The following CENPC variants were observed in gnomAD, a reference collection of about 807,000 sequenced individuals.
CENPC encodes the protein centromere protein C.
Under a neutral mutation model 112.1 loss-of-function variants are expected in CENPC, and 63 were observed. That is an observed-to-expected ratio of 0.56 (90% CI 0.46 to 0.69). The LOEUF is 0.69. Among genes scored for constraint, CENPC ranks in the 30% least tolerant of loss-of-function variants. CENPC has a pLI of 0.00. For missense variants in CENPC, 1,000 were observed against 1,103.8 expected, an observed-to-expected ratio of 0.91 and a Z score of 1.33; for synonymous variants, 333 against 367.6, an observed-to-expected ratio of 0.91 and a Z score of 1.08.
In CENPC at chr4:67,544,036, T is replaced by C. The variant is rs1578011799; in HGVS notation, c.65+113A>G. 6.1e-6 allele frequency: 4 copies of C among 657,910 alleles called. No homozygotes were observed. The South Asian group carries it at 6.7e-5, about 11-fold the overall frequency. The allele number at this position is 657,910 out of a possible 1,614,324, so 40.8% of individuals were successfully genotyped here. A position where few individuals can be genotyped will look rare whatever the true frequency, so the allele number is the denominator to read the frequency against. ...GTATAAGATGACTACCCTTAATCAGTGGGCACAGAAATCATTATATTAGTC... is the reference window on the plus strand; with the variant it reads ...GTATAAGATGACTACCCTTAATCAGCGGGCACAGAAATCATTATATTAGTC... On this transcript the variant is annotated intron_variant, in intron 2 of 18. Coordinates refer to ENST00000273853, the MANE Select transcript of CENPC (RefSeq NM_001812.4).
intron 10 of CENPC, among the ~76,000 whole-genome samples, chr4:67,507,682 G>A (rs928161476): frequency 3.9e-5 from 6 of 152,066 alleles, no homozygotes; most frequent in Non-Finnish European, 8.8e-5. Context: ...AGAGAATTAC[G>A]ACAAATTATT....
In CENPC at chr4:67,469,874, T is replaced by A. The variant is rs1724607192; in HGVS notation, c.*2731A>T. ...GAGAAAACTGAATTGTGATGCAGGG[T>A]ACAGAAGTGGAAACTCCACTGAAAA... On this transcript the variant is annotated 3_prime_UTR_variant, in exon 19 of 19. Transcript: ENST00000273853. The A allele has an allele frequency of 6.6e-6, 1 of 152,030 alleles. No individual in the cohort carries two copies. Among genetic ancestry groups the A allele is most frequent in the Non-Finnish European group, 1.5e-5 (1 of 68,004 alleles). 9.4% of individuals were successfully genotyped at this position (152,030 alleles called of 1,614,324 possible).
At chr4:67,543,355 T>C (rs949347113) in intron 2 of CENPC, among the ~76,000 whole-genome samples, 2 of 152,190 alleles carry the variant, frequency 1.3e-5, no homozygotes, top group African/African-American at 4.8e-5. Context: ...TTTAAATACC[T>C]GTTCAAGGTC....
At chr4:67,524,670 A>C (rs1178421383) in intron 5 of CENPC, among the ~76,000 whole-genome samples, 4 of 152,216 alleles carry the variant, frequency 2.6e-5, no homozygotes, top group African/African-American at 4.8e-5. Flanking sequence ...ACCACTGCTC[A>C]AGGAAATGAG....
At chr4:67,537,027 T>TAA (rs74550952) in intron 4 of CENPC, among the ~76,000 whole-genome samples, 2 of 97,200 alleles carry the variant, frequency 2.1e-5, no homozygotes, top group African/African-American at 3.9e-5. Flanking sequence ...TACCTCTAAT[T>TAA]AAAAAAAAAA....
intron 17 of CENPC, among the ~76,000 whole-genome samples, chr4:67,480,041 C>T (rs113161962): frequency 7.4e-4 from 112 of 152,250 alleles, no homozygotes; most frequent in African/African-American, 2.4e-3. Flanking sequence ...AAGTCCAGGC[C>T]GGGTATAGTG....
Position 67,545,454 on chromosome 4 carries a change from G to C in CENPC, c.-99C>G. 2 of 1,304,298 alleles carry C rather than the reference G, an allele frequency of 1.5e-6. No homozygotes were observed. The highest frequency in any genetic ancestry group is 1.5e-5 in the South Asian group (1 of 65,416). The allele number at this position is 1,304,298 out of a possible 1,614,324, so 80.8% of individuals were successfully genotyped here. On this transcript the variant is annotated 5_prime_UTR_variant, in exon 1 of 19. Transcript: ENST00000273853. Reference sequence around the variant, plus strand: ...CAAGAAACGAATCGCCGGAATACCAGGCCGCGGCCAAGCAATAACCTTAAG... The same window carrying C: ...CAAGAAACGAATCGCCGGAATACCACGCCGCGGCCAAGCAATAACCTTAAG...
At chr4:67,517,748 A>T (rs575371123) in intron 7 of CENPC, among the ~76,000 whole-genome samples, 4 of 152,066 alleles carry the variant, frequency 2.6e-5, no homozygotes, top group South Asian at 2.1e-4. Flanking sequence ...TGAGCAGGAG[A>T]ATCTCTTGAA....
intron 17 of CENPC, among the ~76,000 whole-genome samples, chr4:67,481,956 C>T (rs1445574618): frequency 6.6e-6 from 1 of 152,040 alleles, no homozygotes; most frequent in East Asian, 1.9e-4. Context: ...GCAGAGTAAA[C>T]AGGCAACGGC....
At chr4:67,525,372 C>G (rs1158586530) in intron 5 of CENPC, among the ~76,000 whole-genome samples, 1 of 152,060 alleles carries the variant, frequency 6.6e-6, no homozygotes, top group Admixed American at 6.6e-5. Context: ...AAAGAGTGAA[C>G]AGGCAACCTA....
chr4:67,536,572 C>A (rs1330052098), intron 4 of CENPC, among the ~76,000 whole-genome samples: 1 of 151,800 alleles, frequency 6.6e-6, no homozygotes, highest in East Asian at 1.9e-4. Flanking sequence ...ATAGATAAGT[C>A]TTAAGTCTGA....
intron 17 of CENPC, among the ~76,000 whole-genome samples, chr4:67,475,515 T>C (rs1008550978): frequency 2.0e-5 from 3 of 152,236 alleles, no homozygotes; most frequent in Admixed American, 2.0e-4. Context: ...AACATCTTGA[T>C]TCCAGTCTTG....
intron 5 of CENPC, among the ~76,000 whole-genome samples, chr4:67,520,003 G>A (rs1560437388): frequency 6.6e-6 from 1 of 152,138 alleles, no homozygotes; most frequent in Admixed American, 6.5e-5. Flanking sequence ...TAGCTAGGAA[G>A]CTCAAGACCA....
chr4:67,528,667 T>A (rs1245656203), intron 5 of CENPC, among the ~76,000 whole-genome samples: 4 of 152,222 alleles, frequency 2.6e-5, no homozygotes, highest in African/African-American at 9.6e-5. Flanking sequence ...TTTTAATGAC[T>A]GACTAATATT....
At position 67,541,014 on chromosome 4, in the gene CENPC, A is replaced by T; in HGVS notation, c.102T>A (p.Val34=). ...RDINTEQGQN[V]LEILQDCFEE... Reference sequence around the variant, plus strand: ...CAAAACAGTCTTGTAAGATTTCCAGAACATTCTGGCCTTGCTCTGTGTTAA... The same window carrying T: ...CAAAACAGTCTTGTAAGATTTCCAGTACATTCTGGCCTTGCTCTGTGTTAA... Residue 34 remains valine (V), a synonymous_variant, in exon 3 of 19, where the codon GTT becomes GTA. Coordinates refer to ENST00000273853, the MANE Select transcript of CENPC (RefSeq NM_001812.4). The T allele has an allele frequency of 6.2e-7, 1 of 1,610,446 alleles. No homozygotes were observed. Among genetic ancestry groups the T allele is most frequent in the Non-Finnish European group, 8.5e-7 (1 of 1,178,254 alleles).
intron 12 of CENPC, among the ~76,000 whole-genome samples, chr4:67,504,704 C>T (rs1308638204): frequency 1.3e-5 from 2 of 152,028 alleles, no homozygotes; most frequent in African/African-American, 4.8e-5. Context: ...TGCCTGTAAT[C>T]CCAGCTACTC....
chr4:67,545,369 TG>T lies in CENPC; in HGVS notation c.-15del. On this transcript the variant is annotated 5_prime_UTR_variant, in exon 1 of 19. Transcript: ENST00000273853. ...GGACGCAGCCATGTTCCGGCCCCGC[TG>T]AGCCAGCGCAACTGTCTGAGGTGGA... 6.6e-7 allele frequency: 1 copy of T among 1,524,448 alleles called. No individual in the cohort carries two copies. Among genetic ancestry groups the T allele is most frequent in the Non-Finnish European group, 8.8e-7 (1 of 1,132,580 alleles). The allele number at this position is 1,524,448 out of a possible 1,614,324, so 94.4% of individuals were successfully genotyped here. A position where few individuals can be genotyped will look rare whatever the true frequency, so the allele number is the denominator to read the frequency against.
chr4:67,497,301 C>G (rs1725462265), intron 12 of CENPC, among the ~76,000 whole-genome samples: 1 of 151,726 alleles, frequency 6.6e-6, no homozygotes, highest in African/African-American at 2.4e-5. Context: ...TCGCTTGAAC[C>G]CAGAAGGCGG....
chr4:67,509,201 TACACATACACACACACACACACACACAC>T (rs1249839412), intron 9 of CENPC, 96 bp from the exon 10 acceptor site: 2 of 576,070 alleles, frequency 3.5e-6, no homozygotes, highest in Non-Finnish European at 5.9e-6. Flanking sequence ...TATAAACATA[TACACATACACACACACACACACACACAC>T]ACACACACAC....
Sources: gnomAD v4.1 joint callset for allele counts (sites outside exome capture counted in the v4.1 genomes callset) on GRCh38, gnomAD v4.1.1 for gene constraint, MANE v1.5 for transcripts, NCBI Gene and HGNC (gene_info 2026-07-23, HGNC 2026-07-21) for gene names.